The following SYNE1 variants were observed in gnomAD, a reference collection of about 807,000 sequenced individuals.
The protein encoded by SYNE1 is spectrin repeat containing nuclear envelope protein 1.
Under a neutral mutation model 1,111.0 loss-of-function variants are expected in SYNE1, and 616 were observed. The ratio of observed to expected loss-of-function variants is 0.55; its 90% confidence interval spans 0.52 to 0.59. The LOEUF is 0.59. Among genes scored for constraint, SYNE1 ranks in the 20% least tolerant of loss-of-function variants. The pLI is 0.00. For missense variants in SYNE1, 10,006 were observed against 10,417.0 expected, an observed-to-expected ratio of 0.96 and a Z score of 1.72; for synonymous variants, 3,855 against 3,825.8, an observed-to-expected ratio of 1.01 and a Z score of -0.28.
At chr6:152,288,481 T>C (rs2094440887) in intron 95 of SYNE1, among the ~76,000 whole-genome samples, 1 of 152,242 alleles carries the variant, frequency 6.6e-6, no homozygotes, top group South Asian at 2.1e-4. Context: ...TGTTCTTAAA[T>C]AGCTCTCTGA....
chr6:152,444,315 C>T, intron 30 of SYNE1, 96 bp downstream of exon 30: 1 of 1,414,706 alleles, frequency 7.1e-7, no homozygotes, highest in Non-Finnish European at 9.9e-7. Context: ...CCCTCACCCA[C>T]TCTCTCAAGC....
chr6:152,631,631 G>A (rs1350486845), intron 2 of SYNE1, among the ~76,000 whole-genome samples: 5 of 152,176 alleles, frequency 3.3e-5, no homozygotes, highest in Non-Finnish European at 7.3e-5. Flanking sequence ...ACCAAAGACG[G>A]AAATCAGACA....
rs533882082 is a variant in SYNE1, at chr6:152,381,270, C to T, written c.8745G>A (p.Gly2915=). 8.1e-6 allele frequency: 13 copies of T among 1,614,228 alleles called. No homozygotes were observed. In the East Asian group the frequency reaches 2.9e-4, roughly 36 times the overall value. ...PEVKQNTTAS[G]CELMHTEMQA... Reference sequence around the variant, plus strand: ...GCATCTCCGTGTGCATGAGCTCACACCCACTGGCAGTTGTGTTCTGTTTCA... The same window carrying T: ...GCATCTCCGTGTGCATGAGCTCACATCCACTGGCAGTTGTGTTCTGTTTCA... Residue 2915 remains glycine, a synonymous_variant, in exon 56 of 146, where the codon GGG becomes GGA. Transcript: ENST00000367255.
chr6:152,547,906 C>T (rs2099322121), intron 3 of SYNE1, among the ~76,000 whole-genome samples: 1 of 152,092 alleles, frequency 6.6e-6, no homozygotes, highest in African/African-American at 2.4e-5. Flanking sequence ...TTTTCTTTAT[C>T]TGTCATAATG....
intron 130 of SYNE1, chr6:152,168,107 GC>G: frequency 3.8e-6 from 3 of 780,520 alleles, no homozygotes. Context: ...TCAAGAAGAT[GC>G]CTGCCTTGTG....
rs886044155 is a variant in SYNE1 at position 152,462,833 on chromosome 6, TA to T, written c.2154del (p.Thr719ProfsTer17). ...GCTTCCGTTGCAAAAGCAGACAGGG[TA>T]ACAACACAGTCTGTGTATTCCTTCT... is the stretch of plus-strand genomic sequence containing the variant. ...RMKKEYTDCV[V>X]TLSAFATEAH... On this transcript the variant is annotated frameshift_variant, in exon 20 of 146. Coordinates refer to ENST00000367255, the MANE Select transcript of SYNE1 (RefSeq NM_182961.4). LOFTEE classifies it high-confidence loss of function. The T allele has an allele frequency of 6.2e-7, 1 of 1,613,892 alleles. No homozygotes were observed. The highest frequency in any genetic ancestry group is 8.5e-7 in the Non-Finnish European group (1 of 1,179,954).
intron 10 of SYNE1, among the ~76,000 whole-genome samples, chr6:152,501,378 C>A (rs538480179): frequency 6.6e-6 from 1 of 152,024 alleles, no homozygotes; most frequent in Admixed American, 6.6e-5. Flanking sequence ...CAAGGCAACA[C>A]GAAAAACATT....
Position 152,416,627 on chromosome 6 carries a change from A to G in SYNE1, c.5810T>C (p.Leu1937Pro). Reference protein sequence around the residue: ...DGILSKAQYHLKIGSSEQRTS... With the variant: ...DGILSKAQYHPKIGSSEQRTS... ...CCTTTGCTCAGAGCTCCCGATTTTC[A>G]GATGGTATTGGGCTTTGGAAAGAAT... The change falls in exon 41 of 146, where the codon CTG (leucine) becomes CCG (proline). Residue 1937 changes from leucine to proline, a missense_variant. Leu to Pro is a moderately conservative substitution (Grantham distance 98, BLOSUM62 -3). Around this residue, in one of 7 missense-constraint regions of SYNE1, gnomAD observed 4,955 missense variants for 5,017.2 expected, o/e 0.99. Transcript: ENST00000367255. 1 of 1,614,192 alleles carries G rather than the reference A, an allele frequency of 6.2e-7. No homozygotes were observed. The highest frequency in any genetic ancestry group is 8.5e-7 in the Non-Finnish European group (1 of 1,180,030).
intron 3 of SYNE1, 109 bp downstream of exon 3, chr6:152,628,156 T>C: frequency 8.4e-7 from 1 of 1,192,262 alleles, no homozygotes; most frequent in Non-Finnish European, 1.2e-6. Context: ...ATCCATCCCA[T>C]TCTGGGCTAT....
intron 12 of SYNE1, among the ~76,000 whole-genome samples, chr6:152,486,518 G>C (rs926163866): frequency 6.6e-6 from 1 of 152,172 alleles, no homozygotes; most frequent in African/African-American, 2.4e-5. Flanking sequence ...ATAACAGATA[G>C]CTTTATAACT....
intron 95 of SYNE1, among the ~76,000 whole-genome samples, chr6:152,291,761 A>C (rs1394725027): frequency 6.6e-6 from 1 of 152,198 alleles, no homozygotes; most frequent in African/African-American, 2.4e-5. Context: ...GCTTGAACAA[A>C]GGTGGAGATG....
At chr6:152,397,477 A>G (rs2097753861) in intron 49 of SYNE1, among the ~76,000 whole-genome samples, 1 of 152,102 alleles carries the variant, frequency 6.6e-6, no homozygotes, top group African/African-American at 2.4e-5. Flanking sequence ...CTCTCCCCAG[A>G]GCTCTAGAGT....
At chr6:152,202,161 A>G (rs1430859474) in intron 126 of SYNE1, among the ~76,000 whole-genome samples, 1 of 152,028 alleles carries the variant, frequency 6.6e-6, no homozygotes, top group Non-Finnish European at 1.5e-5. Context: ...AGTCTGGCCA[A>G]CATGGTGAAA....
chr6:152,509,248 CTTTTTTTT>C (rs11305679), intron 8 of SYNE1, among the ~76,000 whole-genome samples: 16 of 75,804 alleles, frequency 2.1e-4, no homozygotes, highest in East Asian at 1.2e-3. Flanking sequence ...TTTTCTTTTT[CTTTTTTTT>C]TTTTTTTTTT....
In SYNE1 at chr6:152,350,685, T is replaced by C. The variant is rs2096726238; in HGVS notation, c.11666A>G (p.Asp3889Gly). The C allele has an allele frequency of 3.1e-6, 5 of 1,614,094 alleles. No individual in the cohort carries two copies. The highest frequency in any genetic ancestry group is 3.4e-6 in the Non-Finnish European group (4 of 1,180,006). Reference sequence around the variant, plus strand: ...ATCTATTTTGTCCTTTAAAGTGACGTCCTGCACCAGTTCCAAAAGAGCTTC... The same window carrying C: ...ATCTATTTTGTCCTTTAAAGTGACGCCCTGCACCAGTTCCAAAAGAGCTTC... ...KGEALLELVQDVTLKDKIDQL... is the reference protein window; with the variant it reads ...KGEALLELVQGVTLKDKIDQL... Residue 3889 changes from aspartate to glycine, a missense_variant, in exon 71 of 146, where the codon GAC (aspartate) becomes GGC (glycine). Asp to Gly is a moderately conservative substitution (Grantham distance 94). Around this residue, in one of 7 missense-constraint regions of SYNE1, gnomAD observed 4,955 missense variants for 5,017.2 expected, o/e 0.99. Coordinates refer to ENST00000367255, the MANE Select transcript of SYNE1 (RefSeq NM_182961.4).
intron 104 of SYNE1, among the ~76,000 whole-genome samples, chr6:152,254,160 A>C (rs900669435): frequency 2.0e-5 from 3 of 151,342 alleles, no homozygotes; most frequent in Non-Finnish European, 4.4e-5. Flanking sequence ...CACAGGTAGA[A>C]GTAATTAGAC....
chr6:152,278,931 C>T (rs1215971075), intron 97 of SYNE1, among the ~76,000 whole-genome samples: 1 of 151,978 alleles, frequency 6.6e-6, no homozygotes, highest in Admixed American at 6.6e-5. Flanking sequence ...CCACACCTGG[C>T]TAAATTTTTT....
intron 128 of SYNE1, among the ~76,000 whole-genome samples, chr6:152,186,785 G>C (rs2635435): frequency 0.063 from 9,514 of 151,820 alleles, 471 homozygotes; most frequent in African/African-American, 0.14. Flanking sequence ...TCAATTCATC[G>C]AACATGCTAA....
At chr6:152,390,731 A>T in intron 52 of SYNE1, among the ~76,000 whole-genome samples, 1 of 152,202 alleles carries the variant, frequency 6.6e-6, no homozygotes, top group Non-Finnish European at 1.5e-5. Flanking sequence ...GAGTGAAAAT[A>T]CATTCTTTTG....
Sources: gnomAD v4.1 joint callset for allele counts (sites outside exome capture counted in the v4.1 genomes callset) on GRCh38, gnomAD v4.1.1 for gene constraint, gnomAD v4.1.1 regional missense constraint, MANE v1.5 for transcripts, NCBI Gene and HGNC (gene_info 2026-07-23, HGNC 2026-07-21) for gene names.